The following USP30 variants were observed in gnomAD, a reference collection of about 807,000 sequenced individuals.
USP30 encodes ubiquitin carboxyl-terminal hydrolase 30.
In USP30, 41 loss-of-function variants were observed where a neutral mutation model predicts 68.2. The ratio of observed to expected loss-of-function variants is 0.60; its 90% CI spans 0.47 to 0.78. The LOEUF is 0.78. Ranked by LOEUF, USP30 falls within the 30% of genes least tolerant of loss-of-function variation. The probability of loss-of-function intolerance (pLI) is 0.00; values close to 1 mark genes in which losing one functional copy is unlikely to be tolerated. For synonymous variants in USP30, 229 were observed against 253.7 expected (o/e 0.90, Z 0.93); for missense variants, 522 against 649.4 (o/e 0.80, Z 2.13).
chr12:109,067,654 G>C, intron 4 of USP30, 27 bp downstream of exon 4: 1 of 1,600,754 alleles, frequency 6.2e-7, no homozygotes, highest in South Asian at 1.1e-5. Flanking sequence ...AACAGGTTTA[G>C]CTTGGAGAAT....
chr12:109,038,737 C>T (rs1373940761), intron 3 of USP30, among the ~76,000 whole-genome samples: 6 of 152,152 alleles, frequency 3.9e-5, no homozygotes, highest in South Asian at 2.1e-4. Flanking sequence ...CTGCTAGCAA[C>T]GTATGATATC....
intron 3 of USP30, among the ~76,000 whole-genome samples, chr12:109,041,139 C>A (rs960183908): frequency 6.6e-6 from 1 of 152,170 alleles, no homozygotes; most frequent in Non-Finnish European, 1.5e-5. Context: ...AGAAAGAAAA[C>A]AATTGTTTCC....
At chr12:109,071,519 A>G (rs1044305551) in intron 4 of USP30, 93 bp from the exon 5 acceptor site, 1 of 997,810 alleles carries the variant, frequency 1.0e-6, no homozygotes, top group Non-Finnish European at 1.5e-6. Context: ...AATTCTACCC[A>G]CATTCACTGT....
chr12:109,085,691 G>A lies in USP30; in HGVS notation c.1314G>A (p.Leu438=), dbSNP rs751853216. The change falls in exon 13 of 13, where the codon CTG becomes CTA. Residue 438 remains leucine, a synonymous_variant. Coordinates refer to ENST00000257548, the MANE Select transcript of USP30 (RefSeq NM_032663.5). The part of the protein sequence containing the change: ...DYSSSTYLFR[L]MAVVVHHGDM... Reference sequence around the variant, plus strand: ...GCTCCTCCACATACCTCTTCCGGCTGATGGCAGTTGTCGTCCACCATGGAG... The same window carrying A: ...GCTCCTCCACATACCTCTTCCGGCTAATGGCAGTTGTCGTCCACCATGGAG... 6.2e-7 allele frequency: 1 copy of A among 1,614,086 alleles called. No individual in the cohort carries two copies. The highest frequency in any genetic ancestry group is 2.2e-5 in the East Asian group (1 of 44,902).
chr12:109,079,245 A>G (rs138938617), intron 7 of USP30, among the ~76,000 whole-genome samples: 177 of 148,766 alleles, frequency 1.2e-3, no homozygotes, highest in African/African-American at 4.2e-3. Context: ...AATTTTCTTC[A>G]ATCTTTCTTC....
chr12:109,025,033 A>G (rs1475972817), exon 2 of USP30: 1 of 152,280 alleles, frequency 6.6e-6, no homozygotes, highest in African/African-American at 2.4e-5. Flanking sequence ...AGCACCATCA[A>G]ATCAGCTAGA....
intron 5 of USP30, among the ~76,000 whole-genome samples, chr12:109,071,958 A>G (rs1331633045): frequency 2.6e-5 from 4 of 152,086 alleles, no homozygotes; most frequent in Non-Finnish European, 5.9e-5. Context: ...AGAATGTGTT[A>G]TTTTTTCCTG....
At chr12:109,039,222 T>C (rs758658163) in intron 3 of USP30, among the ~76,000 whole-genome samples, 3 of 152,236 alleles carry the variant, frequency 2.0e-5, no homozygotes, top group Non-Finnish European at 4.4e-5. Context: ...AGTTTTACAG[T>C]TTTAACTTTC....
chr12:109,077,868 A>C (rs1274671322), intron 7 of USP30, among the ~76,000 whole-genome samples: 1 of 151,750 alleles, frequency 6.6e-6, no homozygotes, highest in Admixed American at 6.6e-5. Flanking sequence ...ATGCAGTTTT[A>C]CCTTATCACA....
chr12:109,072,172 C>G, intron 5 of USP30, 133 bp from the exon 6 acceptor site: 1 of 737,906 alleles, frequency 1.4e-6, no homozygotes, highest in Non-Finnish European at 2.3e-6. Flanking sequence ...CTTTAGAAAC[C>G]TGAGCTTTGT....
intron 1 of USP30, among the ~76,000 whole-genome samples, 200 bp from the exon 2 acceptor site, chr12:109,056,482 C>G (rs1457283356): frequency 6.6e-6 from 1 of 152,156 alleles, no homozygotes; most frequent in Non-Finnish European, 1.5e-5. Flanking sequence ...GATGAGCCAC[C>G]GTGCCCAGCT....
At chr12:109,043,304 G>A (rs2040577306) in intron 3 of USP30, among the ~76,000 whole-genome samples, 1 of 152,130 alleles carries the variant, frequency 6.6e-6, no homozygotes, top group South Asian at 2.1e-4. Context: ...AGAAAGACAA[G>A]CTAGGCTGAA....
chr12:109,060,925 C>A (rs535790295), intron 3 of USP30, among the ~76,000 whole-genome samples: 1 of 152,174 alleles, frequency 6.6e-6, no homozygotes, highest in Admixed American at 6.5e-5. Context: ...GGATTACAGG[C>A]GTGAGCTACC....
intron 3 of USP30, among the ~76,000 whole-genome samples, chr12:109,034,538 G>A (rs141721199): frequency 1.5e-3 from 226 of 152,204 alleles, no homozygotes; most frequent in Middle Eastern, 3.4e-3. Flanking sequence ...ACCAGCCTGG[G>A]CAACATAGTG....
intron 3 of USP30, among the ~76,000 whole-genome samples, chr12:109,046,765 T>C (rs1566079322): frequency 6.6e-6 from 1 of 152,164 alleles, no homozygotes; most frequent in Non-Finnish European, 1.5e-5. Flanking sequence ...AGTGCGATCT[T>C]GGCTCACTGC....
chr12:109,079,353 T>TTTTTTTTTTTTTTTTTTTTTTTTTTTTC (rs2041725637), intron 7 of USP30, among the ~76,000 whole-genome samples: 1 of 79,320 alleles, frequency 1.3e-5, no homozygotes, highest in Non-Finnish European at 2.5e-5. Context: ...TTTTTTTTCT[T>TTTTTTTTTTTTTTTTTTTTTTTTTTTTC]TTTTTTTTTT....
chr12:109,085,689 C>T lies in USP30; in HGVS notation c.1312C>T (p.Leu438=). The T allele has an allele frequency of 6.2e-7, 1 of 1,614,232 alleles. No homozygotes were observed. Among genetic ancestry groups the T allele is most frequent in the South Asian group, 1.1e-5 (1 of 91,084 alleles). The change falls in exon 13 of 13, where the codon CTG becomes TTG. Residue 438 remains leucine, a synonymous_variant. Coordinates refer to ENST00000257548, the MANE Select transcript of USP30 (RefSeq NM_032663.5). ...CAGCTCCTCCACATACCTCTTCCGG[C>T]TGATGGCAGTTGTCGTCCACCATGG... The part of the protein sequence containing the change: ...DYSSSTYLFR[L]MAVVVHHGDM...
upstream of USP30, among the ~76,000 whole-genome samples, chr12:109,051,768 C>T (rs1566081601): frequency 6.6e-6 from 1 of 151,986 alleles, no homozygotes; most frequent in Non-Finnish European, 1.5e-5. Flanking sequence ...TGGGGTTTCA[C>T]CATGTTGGCC....
At chr12:109,039,910 G>T (rs114118250) in intron 3 of USP30, among the ~76,000 whole-genome samples, 1 of 151,976 alleles carries the variant, frequency 6.6e-6, no homozygotes, top group Non-Finnish European at 1.5e-5. Flanking sequence ...CACCTGGCCA[G>T]CCATTTTCTT....
Sources: allele counts gnomAD v4.1 joint callset (sites outside exome capture counted in the v4.1 genomes callset), GRCh38; gene constraint gnomAD v4.1.1; transcripts MANE v1.5; gene names NCBI Gene and HGNC (gene_info 2026-07-23, HGNC 2026-07-21).